Variants in B3GALT1 observed in about 807,000 individuals in gnomAD.
B3GALT1 encodes the protein beta-1,3-galactosyltransferase 1.
A neutral mutation model predicts 23.2 loss-of-function variants in B3GALT1; 10 were observed. That is an observed-to-expected ratio of 0.43 (90% CI 0.27 to 0.73). The LOEUF is 0.73. Among genes scored for constraint, B3GALT1 ranks in the 30% least tolerant of loss-of-function variants. The pLI, the probability that B3GALT1 is intolerant of heterozygous loss-of-function variation, is 0.21. For missense variants in B3GALT1, 299 were observed against 405.4 expected (o/e 0.74, Z 2.25); for synonymous variants, 156 against 141.5 (o/e 1.10, Z -0.73).
At chr2:167,604,324 C>T (rs1042861599) in intron 2 of B3GALT1, among the ~76,000 whole-genome samples, 5 of 152,044 alleles carry the variant, frequency 3.3e-5, no homozygotes, top group South Asian at 2.1e-4. Context: ...ATTTGCTCCA[C>T]GGGAAGTAGG....
chr2:167,870,082 G>A lies in B3GALT1; in HGVS notation c.*62G>A. On this transcript the variant is annotated 3_prime_UTR_variant, in exon 5 of 5. Coordinates refer to ENST00000392690, the MANE Select transcript of B3GALT1 (RefSeq NM_020981.4). ...TTAAGAAATGGGACCTAAGGTGTTG[G>A]TATTTTCCAGGTGTCGGGGGAAATG... The A allele has an allele frequency of 2.0e-6, 3 of 1,469,138 alleles. No individual in the cohort carries two copies. Among genetic ancestry groups the A allele is most frequent in the Non-Finnish European group, 1.8e-6 (2 of 1,098,788 alleles). The allele number at this position is 1,469,138 out of a possible 1,614,324, so 91.0% of individuals were successfully genotyped here.
At chr2:167,354,076 A>G (rs1417885732) in intron 1 of B3GALT1, among the ~76,000 whole-genome samples, 17 of 152,318 alleles carry the variant, frequency 1.1e-4, no homozygotes, top group Non-Finnish European at 1.5e-5. Flanking sequence ...GCAGTAAGTC[A>G]TAAGGAAGCT....
intron 2 of B3GALT1, among the ~76,000 whole-genome samples, chr2:167,642,824 A>G (rs984542559): frequency 6.6e-6 from 1 of 152,108 alleles, no homozygotes; most frequent in Non-Finnish European, 1.5e-5. Flanking sequence ...TTGTGCTCCT[A>G]TTTTATTCCC....
intron 2 of B3GALT1, among the ~76,000 whole-genome samples, chr2:167,564,437 C>T (rs183202764): frequency 7.9e-5 from 12 of 151,800 alleles, no homozygotes; most frequent in East Asian, 5.9e-4. Context: ...CAGGCGGAGA[C>T]GCTCCCCACC....
intron 1 of B3GALT1, among the ~76,000 whole-genome samples, chr2:167,489,826 A>C (rs577780956): frequency 5.9e-5 from 9 of 152,350 alleles, no homozygotes; most frequent in African/African-American, 1.9e-4. Flanking sequence ...TTGTGGAAAT[A>C]CTTGCTATTA....
At chr2:167,332,940 T>C (rs1696997375) in intron 1 of B3GALT1, among the ~76,000 whole-genome samples, 1 of 152,222 alleles carries the variant, frequency 6.6e-6, no homozygotes, top group Non-Finnish European at 1.5e-5. Flanking sequence ...ACTGTGCAGA[T>C]ATATTTTTTA....
chr2:167,490,033 G>A (rs1432606929), intron 1 of B3GALT1, 144 bp from the exon 2 acceptor site: 1 of 152,180 alleles, frequency 6.6e-6, no homozygotes, highest in East Asian at 1.9e-4. Context: ...CTCAAGTGCT[G>A]ATTGTTTTGT....
intron 2 of B3GALT1, among the ~76,000 whole-genome samples, chr2:167,627,200 A>G (rs1023231069): frequency 6.6e-6 from 1 of 151,582 alleles, no homozygotes; most frequent in Non-Finnish European, 1.5e-5. Context: ...TTTGCTTTTT[A>G]AAATATATTG....
intron 1 of B3GALT1, among the ~76,000 whole-genome samples, chr2:167,341,410 C>T (rs1278810048): frequency 6.6e-6 from 1 of 152,066 alleles, no homozygotes; most frequent in African/African-American, 2.4e-5. Flanking sequence ...ACCTGTAATC[C>T]CAGCACTTTG....
chr2:167,547,097 C>T lies in B3GALT1; in HGVS notation c.-410+56820C>T, dbSNP rs974221228. Among the ~76,000 whole-genome samples, 4 of 152,308 alleles carry T rather than the reference C, an allele frequency of 2.6e-5. 1 individual carries two copies. The highest frequency in any genetic ancestry group is 2.4e-5 in the African/African-American group (1 of 41,572). ...CTGGGCTGGCTCAGTCCCACCACAG[C>T]AGCACGTCCTCGGTCTTCTCAATAC... On this transcript the variant is annotated intron_variant, in intron 2 of 4. Coordinates refer to ENST00000392690, the MANE Select transcript of B3GALT1 (RefSeq NM_020981.4).
At chr2:167,533,480 C>T (rs1193287711) in intron 2 of B3GALT1, among the ~76,000 whole-genome samples, 1 of 152,038 alleles carries the variant, frequency 6.6e-6, no homozygotes, top group African/African-American at 2.4e-5. Context: ...ATATTTGATT[C>T]AACCTTGCAT....
intron 3 of B3GALT1, among the ~76,000 whole-genome samples, chr2:167,731,750 C>T (rs1335487768): frequency 6.6e-6 from 1 of 152,214 alleles, no homozygotes; most frequent in Non-Finnish European, 1.5e-5. Flanking sequence ...AAGGCAGCCT[C>T]TGTTTCCTGT....
At chr2:167,447,653 C>G (rs1027465660) in intron 1 of B3GALT1, among the ~76,000 whole-genome samples, 2 of 152,134 alleles carry the variant, frequency 1.3e-5, no homozygotes, top group African/African-American at 4.8e-5. Context: ...GTGTGGGACC[C>G]TCTGAGCCAG....
intron 1 of B3GALT1, among the ~76,000 whole-genome samples, chr2:167,354,005 T>C (rs1448030611): frequency 6.6e-6 from 1 of 152,220 alleles, no homozygotes; most frequent in African/African-American, 2.4e-5. Context: ...TAGCATTTTC[T>C]AGTCCTTTTC....
chr2:167,763,181 G>T (rs1687922475), intron 3 of B3GALT1, among the ~76,000 whole-genome samples: 1 of 152,064 alleles, frequency 6.6e-6, no homozygotes, highest in Admixed American at 6.6e-5. Flanking sequence ...TGTATACGGG[G>T]TTATACTAGG....
At chr2:167,342,765 T>C (rs1697169023) in intron 1 of B3GALT1, among the ~76,000 whole-genome samples, 1 of 152,174 alleles carries the variant, frequency 6.6e-6, no homozygotes, top group Admixed American at 6.5e-5. Context: ...TCCGTGTACA[T>C]GGCCTGGTAT....
At chr2:167,676,455 C>G (rs1686426889) in intron 3 of B3GALT1, among the ~76,000 whole-genome samples, 1 of 151,504 alleles carries the variant, frequency 6.6e-6, no homozygotes, top group Non-Finnish European at 1.5e-5. Flanking sequence ...TTTATCAACT[C>G]TTCCCATCTA....
chr2:167,568,195 G>GT (rs1169825304), intron 2 of B3GALT1, among the ~76,000 whole-genome samples: 1 of 152,052 alleles, frequency 6.6e-6, no homozygotes, highest in Admixed American at 6.6e-5. Flanking sequence ...TAAGGTCTTT[G>GT]TGTGGATATT....
chr2:167,300,130 C>T (rs1472222685), intron 1 of B3GALT1, among the ~76,000 whole-genome samples: 2 of 152,102 alleles, frequency 1.3e-5, no homozygotes, highest in Non-Finnish European at 2.9e-5. Flanking sequence ...ATCTTGAATT[C>T]CTGACCTCAG....
Sources: gnomAD v4.1 joint callset for allele counts (sites outside exome capture counted in the v4.1 genomes callset) on GRCh38, gnomAD v4.1.1 for gene constraint, MANE v1.5 for transcripts, NCBI Gene and HGNC (gene_info 2026-07-23, HGNC 2026-07-21) for gene names.